Variants in CREG2 observed in about 807,000 individuals in gnomAD.
CREG2 encodes the protein cellular repressor of E1A stimulated genes 2.
Under a neutral mutation model 26.2 loss-of-function variants are expected in CREG2, and 24 were observed. That is an observed-to-expected ratio of 0.92 (90% CI 0.66 to 1.29). CREG2 has a LOEUF of 1.29. Among genes scored for constraint, CREG2 ranks in the 50% most tolerant of loss-of-function variants. The pLI, the probability that CREG2 is intolerant of heterozygous loss-of-function variation, is 0.00. For synonymous variants in CREG2, 174 were observed against 169.2 expected, an observed-to-expected ratio of 1.03 and a Z score of -0.22; for missense variants, 366 against 398.6, an observed-to-expected ratio of 0.92 and a Z score of 0.70.
At chr2:101,366,077 C>T (rs767750855) in intron 2 of CREG2, among the ~76,000 whole-genome samples, 1 of 152,172 alleles carries the variant, frequency 6.6e-6, no homozygotes, top group African/African-American at 2.4e-5. Flanking sequence ...TCTTCGAATG[C>T]CTCAGGGAAA....
rs963750989 is a variant in CREG2 at position 101,356,553 on chromosome 2, C to CT, written c.612-1188dup. Among the ~76,000 whole-genome samples the CT allele has an allele frequency of 4.8e-5, 7 of 145,228 alleles. No homozygotes were observed. The East Asian group carries it at 6.3e-4, about 13-fold the overall frequency. On this transcript the variant is annotated intron_variant, in intron 2 of 3. Coordinates refer to ENST00000324768, the MANE Select transcript of CREG2 (RefSeq NM_153836.4). The stretch of plus-strand genomic sequence containing the variant: ...ATCTCATGTCAGGTGGGTTTTCTTT[C>CT]TTTTTTTTTAACTGCAGAAACAAAA...
chr2:101,377,161 G>C (rs2104483043), intron 2 of CREG2, among the ~76,000 whole-genome samples: 1 of 151,868 alleles, frequency 6.6e-6, no homozygotes, highest in East Asian at 1.9e-4. Flanking sequence ...TTTTCCCACT[G>C]TGGGAATCTC....
intron 2 of CREG2, chr2:101,382,466 A>G: frequency 1.0e-6 from 1 of 976,166 alleles, no homozygotes; most frequent in Non-Finnish European, 1.2e-6. Context: ...AAAGAAAGGT[A>G]TCCTGGAAAT....
rs1684439715 is a variant in CREG2, at chr2:101,355,317, T to G, written c.661A>C (p.Thr221Pro). The G allele has an allele frequency of 6.2e-7, 1 of 1,614,000 alleles. No homozygotes were observed. Among genetic ancestry groups the G allele is most frequent in the Admixed American group, 1.7e-5 (1 of 60,002 alleles). ...EDPRCVQLTL[T>P]GQMIAVSPEE... ...GGAGACACTGCGATCATCTGGCCAGTGAGCGTTAACTGGACACATCGGGGA... is the reference window on the plus strand; with the variant it reads ...GGAGACACTGCGATCATCTGGCCAGGGAGCGTTAACTGGACACATCGGGGA... The change falls in exon 3 of 4, where the codon ACT (threonine) becomes CCT (proline). Residue 221 changes from threonine to proline, a missense_variant. By Grantham distance (38) the Thr-to-Pro change is conservative. Transcript: ENST00000324768.
At chr2:101,355,987 A>C (rs1684452440) in intron 2 of CREG2, among the ~76,000 whole-genome samples, 1 of 152,090 alleles carries the variant, frequency 6.6e-6, no homozygotes, top group Non-Finnish European at 1.5e-5. Flanking sequence ...ATCCAGGAAG[A>C]ATCAGGTCAT....
chr2:101,368,106 G>C (rs903103304), intron 2 of CREG2, among the ~76,000 whole-genome samples: 1 of 152,096 alleles, frequency 6.6e-6, no homozygotes, highest in Admixed American at 6.5e-5. Flanking sequence ...GGCCAACATA[G>C]TGAAACCCCG....
At chr2:101,373,482 G>A (rs561933476) in intron 2 of CREG2, among the ~76,000 whole-genome samples, 3 of 152,312 alleles carry the variant, frequency 2.0e-5, no homozygotes, top group African/African-American at 7.2e-5. Flanking sequence ...CATCTTAACA[G>A]CCCTGAAAGC....
chr2:101,382,388 T>G (rs927210899), intron 2 of CREG2: 17 of 646,086 alleles, frequency 2.6e-5, no homozygotes, highest in Non-Finnish European at 3.0e-5. Context: ...ATTGCGCCAC[T>G]GCACTCCAGT....
chr2:101,381,051 C>G (rs1216567835), intron 2 of CREG2, among the ~76,000 whole-genome samples: 1 of 152,206 alleles, frequency 6.6e-6, no homozygotes. Context: ...GTGGCCTTGA[C>G]CTGTCGTTAT....
At chr2:101,363,775 A>G (rs760004446) in intron 2 of CREG2, among the ~76,000 whole-genome samples, 32 of 152,092 alleles carry the variant, frequency 2.1e-4, no homozygotes, top group Admixed American at 6.6e-4. Flanking sequence ...ACTTGAGCCC[A>G]GGAGACTGAG....
In CREG2 at chr2:101,387,102, C is replaced by A. The variant is rs1684982634; in HGVS notation, c.356G>T (p.Gly119Val). ...EGGQTASAPP[G>V]PRLRAATARS... Reference sequence around the variant, plus strand: ...GGCGGTGGCGGCGCGCAGTCTAGGGCCCGGGGGCGCACTGGCCGTCTGGCC... The same window carrying A: ...GGCGGTGGCGGCGCGCAGTCTAGGGACCGGGGGCGCACTGGCCGTCTGGCC... Residue 119 changes from glycine to valine, a missense_variant, in exon 1 of 4, where the codon GGC becomes GTC. This residue lies in a region of CREG2 where 177 missense variants were observed against 183.3 expected (regional missense o/e 0.97). Transcript: ENST00000324768. This position sits in a 1 kb window ranked among gnomAD's most constrained non-coding sequence, Gnocchi z 4.7. The A allele has an allele frequency of 2.4e-6, 3 of 1,243,272 alleles. No homozygotes were observed. The highest frequency in any genetic ancestry group is 3.0e-6 in the Non-Finnish European group (3 of 995,448). 77.0% of individuals were successfully genotyped at this position (1,243,272 alleles called of 1,614,324 possible).
intron 2 of CREG2, among the ~76,000 whole-genome samples, chr2:101,357,543 G>A (rs1311647112): frequency 2.0e-5 from 3 of 152,144 alleles, no homozygotes; most frequent in Non-Finnish European, 4.4e-5. Context: ...GGATGAGGCA[G>A]CACAATGATA....
chr2:101,374,839 G>T (rs948727955), intron 2 of CREG2, among the ~76,000 whole-genome samples: 2 of 152,198 alleles, frequency 1.3e-5, no homozygotes, highest in Non-Finnish European at 2.9e-5. Flanking sequence ...ATGGAGGCTG[G>T]GGGAGGAGTG....
At chr2:101,362,387 G>C (rs1436542270) in intron 2 of CREG2, among the ~76,000 whole-genome samples, 1 of 152,148 alleles carries the variant, frequency 6.6e-6, no homozygotes, top group Non-Finnish European at 1.5e-5. Context: ...TAAGTGAACT[G>C]TTAAATTTCA....
chr2:101,371,725 A>G (rs115092507), intron 2 of CREG2, among the ~76,000 whole-genome samples: 2,052 of 152,298 alleles, frequency 0.013, 51 homozygotes, highest in African/African-American at 0.047. Flanking sequence ...CGTGCTGCAG[A>G]GACCTCAAGG....
In CREG2 at chr2:101,348,321, A is replaced by G. The variant is rs886785161; in HGVS notation, c.*2602T>C. ...CATGTAACTTTTAAAATAAGCTTGT[A>G]TAGGTCTACAAAATCCTTGTTGAGA... On this transcript the variant is annotated 3_prime_UTR_variant, in exon 4 of 4. Transcript: ENST00000324768. 6.6e-6 allele frequency: 1 copy of G among 152,234 alleles called. No individual in the cohort carries two copies. Among genetic ancestry groups the G allele is most frequent in the African/African-American group, 2.4e-5 (1 of 41,470 alleles). 9.4% of individuals were successfully genotyped at this position (152,234 alleles called of 1,614,324 possible).
chr2:101,370,191 T>C (rs980922236), intron 2 of CREG2, among the ~76,000 whole-genome samples: 3 of 152,206 alleles, frequency 2.0e-5, no homozygotes, highest in Non-Finnish European at 4.4e-5. Flanking sequence ...GGGACTCTTA[T>C]AAGAATCAGG....
intron 3 of CREG2, 30 bp downstream of exon 3, chr2:101,355,223 G>A: frequency 7.4e-7 from 1 of 1,342,356 alleles, no homozygotes; most frequent in South Asian, 1.2e-5. Context: ...GTGTATTTCT[G>A]GGCATATAAA....
intron 2 of CREG2, among the ~76,000 whole-genome samples, chr2:101,359,623 A>T (rs201911776): frequency 6.6e-6 from 1 of 152,184 alleles, no homozygotes; most frequent in Non-Finnish European, 1.5e-5. Context: ...GTCACCCGAC[A>T]TTCCTGGTGG....
Sources: allele counts gnomAD v4.1 joint callset (sites outside exome capture counted in the v4.1 genomes callset), GRCh38; gene constraint gnomAD v4.1.1; regional missense constraint gnomAD v4.1.1; non-coding constraint Gnocchi (gnomAD v3.1); transcripts MANE v1.5; gene names NCBI Gene and HGNC (gene_info 2026-07-23, HGNC 2026-07-21).